Variants in STEAP4 observed in about 807,000 individuals in gnomAD.
STEAP4 encodes metalloreductase STEAP4.
STEAP4 carries 36 observed loss-of-function variants against 43.6 expected under a neutral mutation model. The observed-to-expected ratio is 0.83, with a 90% CI of 0.63 to 1.09. The LOEUF is 1.09. STEAP4 is among the 50% of genes least tolerant of loss of function. STEAP4 has a pLI of 0.00. For synonymous variants in STEAP4, 191 were observed against 196.7 expected, an observed-to-expected ratio of 0.97 and a Z score of 0.24; for missense variants, 495 against 546.5, an observed-to-expected ratio of 0.91 and a Z score of 0.94.
chr7:88,280,931 T>C lies in STEAP4; in HGVS notation c.1133A>G (p.Glu378Gly), dbSNP rs577183096. 6 of 1,605,140 alleles carry C rather than the reference T, an allele frequency of 3.7e-6. No homozygotes were observed. The South Asian group carries it at 6.7e-5, about 18-fold the overall frequency. Residue 378 changes from glutamate (E) to glycine (G), a missense_variant, in exon 4 of 5, where the codon GAG (glutamate) becomes GGG (glycine). Transcript: ENST00000380079. ...AGTTCTTACCTGGACAAATCGGAAC[T>C]CTCTCCAGTTGACTGCATTGCTAAC... The part of the protein sequence containing the change: ...PSVSNAVNWR[E>G]FRFVQSKLGY...
At chr7:88,283,348 G>A (rs898094987) in intron 2 of STEAP4, 180 bp from the exon 3 acceptor site, 1 of 660,304 alleles carries the variant, frequency 1.5e-6, no homozygotes, top group Admixed American at 3.6e-5. Flanking sequence ...TGGTGTCTTA[G>A]ATAGGTAAGT....
intron 1 of STEAP4, among the ~76,000 whole-genome samples, chr7:88,294,670 C>T (rs1852896688): frequency 6.6e-6 from 1 of 152,160 alleles, no homozygotes; most frequent in Middle Eastern, 3.4e-3. Context: ...GCAACCTAAC[C>T]ATATCTCTTC....
Position 88,306,257 on chromosome 7 carries a change from A to G in STEAP4, c.-3+535T>C, listed in dbSNP as rs187362144. Among the ~76,000 whole-genome samples the G allele has an allele frequency of 1.7e-3, 263 of 152,336 alleles. 1 individual carries two copies. Among genetic ancestry groups the G allele is most frequent in the Admixed American group, 0.012 (184 of 15,298 alleles). On this transcript the variant is annotated intron_variant, in intron 1 of 4. Coordinates refer to ENST00000380079, the MANE Select transcript of STEAP4 (RefSeq NM_024636.4). ...TAAAATTCTGTCTCTGGACAAACAA[A>G]CGGAACTGAGGCTTTATTTACTCTT...
rs908052575 is a variant in STEAP4, at chr7:88,306,067, C to G, written c.-3+725G>C. Among the ~76,000 whole-genome samples, 6 of 152,306 alleles carry G rather than the reference C, an allele frequency of 3.9e-5. 1 individual carries two copies. Among genetic ancestry groups the G allele is most frequent in the Middle Eastern group, 6.8e-3 (2 of 294 alleles). On this transcript the variant is annotated intron_variant, in intron 1 of 4. Coordinates refer to ENST00000380079, the MANE Select transcript of STEAP4 (RefSeq NM_024636.4). ...TATTTTTAGTAGAGACTGGGTTGCA[C>G]TATGTTGGCCAGGCTGGTCTCGAAC...
intron 1 of STEAP4, among the ~76,000 whole-genome samples, chr7:88,303,805 G>A (rs561216444): frequency 6.6e-6 from 1 of 152,322 alleles, no homozygotes. Flanking sequence ...GGCCAAGAAT[G>A]TTTTCTTAGC....
At chr7:88,291,515 A>AATAGAT (rs201010274) in intron 1 of STEAP4, among the ~76,000 whole-genome samples, 22,490 of 150,614 alleles carry the variant, frequency 0.15, 1,884 homozygotes, top group Non-Finnish European at 0.2. Context: ...AAAGAAAAGA[A>AATAGAT]ATAGATATAT....
intron 3 of STEAP4, 58 bp downstream of exon 3, chr7:88,282,583 G>T: frequency 7.0e-7 from 1 of 1,433,392 alleles, no homozygotes; most frequent in Non-Finnish European, 9.6e-7. Flanking sequence ...AATGGAATAT[G>T]ATGTAGCAAT....
At chr7:88,298,694 C>T (rs530352146) in intron 1 of STEAP4, among the ~76,000 whole-genome samples, 5 of 152,216 alleles carry the variant, frequency 3.3e-5, no homozygotes, top group Admixed American at 3.3e-4. Context: ...AAATCATCAA[C>T]TTGTGATTTC....
chr7:88,285,816 G>C (rs1406092283), intron 1 of STEAP4, among the ~76,000 whole-genome samples: 2 of 149,210 alleles, frequency 1.3e-5, no homozygotes, highest in African/African-American at 4.9e-5. Flanking sequence ...AAATTTTAAT[G>C]AATAAGTTTT....
chr7:88,300,579 G>T (rs769084872), intron 1 of STEAP4, among the ~76,000 whole-genome samples: 2 of 152,178 alleles, frequency 1.3e-5, no homozygotes, highest in African/African-American at 2.4e-5. Flanking sequence ...CCTTTCAGTG[G>T]TGTGGCTGTG....
intron 4 of STEAP4, 141 bp from the exon 5 acceptor site, chr7:88,279,769 A>C: frequency 1.5e-6 from 1 of 654,952 alleles, no homozygotes; most frequent in Non-Finnish European, 2.6e-6. Flanking sequence ...AAGTACTGAA[A>C]AAAAGCACTA....
intron 1 of STEAP4, among the ~76,000 whole-genome samples, chr7:88,288,706 T>C (rs1364217605): frequency 6.6e-6 from 1 of 151,886 alleles, no homozygotes; most frequent in Non-Finnish European, 1.5e-5. Flanking sequence ...TATAAATCAA[T>C]GAGAAAAAAA....
Position 88,274,573 on chromosome 7 carries a change from C to T in STEAP4, c.*4825G>A, listed in dbSNP as rs1217294867. ...CAAGAGAGAGTTCTTGGATCTTGCA[C>T]AAGAAAGAATTTGAGGTGAATCCAT... On this transcript the variant is annotated 3_prime_UTR_variant, in exon 5 of 5. Coordinates refer to ENST00000380079, the MANE Select transcript of STEAP4 (RefSeq NM_024636.4). 6.6e-6 allele frequency: 1 copy of T among 152,120 alleles called. No individual in the cohort carries two copies. The highest frequency in any genetic ancestry group is 1.5e-5 in the Non-Finnish European group (1 of 68,058). 9.4% of individuals were successfully genotyped at this position (152,120 alleles called of 1,614,324 possible). A position where few individuals can be genotyped will look rare whatever the true frequency, so the allele number is the denominator to read the frequency against.
chr7:88,288,105 GA>G (rs1563499701), intron 1 of STEAP4, among the ~76,000 whole-genome samples: 1 of 152,066 alleles, frequency 6.6e-6, no homozygotes, highest in African/African-American at 2.4e-5. Context: ...TTACCTGAAA[GA>G]AAAAAATAAA....
Position 88,277,733 on chromosome 7 carries a change from G to A in STEAP4, c.*1665C>T. 6.6e-6 allele frequency: 1 copy of A among 152,164 alleles called. No individual in the cohort carries two copies. The highest frequency in any genetic ancestry group is 1.5e-5 in the Non-Finnish European group (1 of 68,048). The allele number at this position is 152,164 out of a possible 1,614,324, so 9.4% of individuals were successfully genotyped here. On this transcript the variant is annotated 3_prime_UTR_variant, in exon 5 of 5. Coordinates refer to ENST00000380079, the MANE Select transcript of STEAP4 (RefSeq NM_024636.4). ...AAATTAGCTGGGCATAGTGGCACAT[G>A]CCTGTAGTCCCAGCTACTCGGGAGG...
At chr7:88,288,684 T>C (rs571645150) in intron 1 of STEAP4, among the ~76,000 whole-genome samples, 2 of 152,234 alleles carry the variant, frequency 1.3e-5, no homozygotes, top group Non-Finnish European at 2.9e-5. Context: ...GGAAAAAATA[T>C]TTTTCAACTC....
chr7:88,288,798 G>A (rs1852785199), intron 1 of STEAP4, among the ~76,000 whole-genome samples: 1 of 151,840 alleles, frequency 6.6e-6, no homozygotes, highest in Non-Finnish European at 1.5e-5. Context: ...TCTAAACACA[G>A]TAAAATATTC....
In STEAP4 at chr7:88,284,034, A is replaced by G. The variant is rs149348409; in HGVS notation, c.236T>C (p.Ile79Thr). The G allele has an allele frequency of 2.0e-4, 318 of 1,614,140 alleles. No individual in the cohort carries two copies. Among genetic ancestry groups the G allele is most frequent in the Non-Finnish European group, 2.5e-4 (298 of 1,180,032 alleles). Residue 79 changes from isoleucine (I) to threonine (T), a missense_variant, in exon 2 of 5, where the codon ATA (isoleucine) becomes ACA (threonine). Coordinates refer to ENST00000380079, the MANE Select transcript of STEAP4 (RefSeq NM_024636.4). ...ATCATAATGCTCTCTGTGGATTGCT[A>G]TGATTATGATGCCAGACTTCTTGGC... ...EAAKKSGIII[I>T]AIHREHYDFL...
At chr7:88,285,302 T>C (rs1165123536) in intron 1 of STEAP4, among the ~76,000 whole-genome samples, 6 of 152,064 alleles carry the variant, frequency 3.9e-5, no homozygotes, top group Non-Finnish European at 8.8e-5. Context: ...GCAACATATG[T>C]ATGAAAAATA....
Sources: allele counts gnomAD v4.1 joint callset (sites outside exome capture counted in the v4.1 genomes callset), GRCh38; gene constraint gnomAD v4.1.1; transcripts MANE v1.5; gene names NCBI Gene and HGNC (gene_info 2026-07-23, HGNC 2026-07-21).